Variants in JARID2 observed in about 807,000 individuals in gnomAD.
The protein encoded by JARID2 is jumonji and AT-rich interaction domain containing 2.
Under a neutral mutation model 125.6 loss-of-function variants are expected in JARID2, and 21 were observed. That is an observed-to-expected ratio of 0.17 (90% confidence interval 0.12 to 0.24). JARID2 has a LOEUF of 0.24. JARID2 is among the 10% of genes least tolerant of loss of function. The pLI is 1.00. For missense variants in JARID2, 1,303 were observed against 1,639.6 expected (o/e 0.79, Z 3.55); for synonymous variants, 736 against 661.6 (o/e 1.11, Z -1.73).
chr6:15,329,475 A>C (rs932648070), intron 1 of JARID2, among the ~76,000 whole-genome samples: 1 of 152,204 alleles, frequency 6.6e-6, no homozygotes, highest in African/African-American at 2.4e-5. Context: ...GACTCAGGGC[A>C]AGCTCACTGT....
At chr6:15,392,039 G>GGTGTGTGTGTGTGTGTGTGT (rs55811028) in intron 2 of JARID2, among the ~76,000 whole-genome samples, 51 of 122,808 alleles carry the variant, frequency 4.2e-4, no homozygotes, top group African/African-American at 1.6e-3. Context: ...ATCCCAGAGT[G>GGTGTGTGTGTGTGTGTGTGT]GTGTGTGTGT....
chr6:15,356,978 C>T (rs1763623540), intron 1 of JARID2, among the ~76,000 whole-genome samples: 1 of 152,016 alleles, frequency 6.6e-6, no homozygotes, highest in Admixed American at 6.6e-5. Flanking sequence ...TGCACCACTG[C>T]ACTCCAGCCT....
intron 6 of JARID2, among the ~76,000 whole-genome samples, chr6:15,495,748 A>T (rs1770383040): frequency 6.6e-6 from 1 of 152,176 alleles, no homozygotes; most frequent in African/African-American, 2.4e-5. Flanking sequence ...TCTTGCTGTC[A>T]TCAACTCTGA....
chr6:15,486,806 CTT>C (rs56268949), intron 5 of JARID2, among the ~76,000 whole-genome samples: 36 of 100,510 alleles, frequency 3.6e-4, no homozygotes, highest in South Asian at 6.2e-4. Context: ...TGAGAATAGA[CTT>C]TTTTTTTTTT....
intron 3 of JARID2, among the ~76,000 whole-genome samples, chr6:15,415,482 C>T (rs999972049): frequency 1.6e-4 from 24 of 147,196 alleles, no homozygotes; most frequent in African/African-American, 4.2e-4. Context: ...GGCGGCTGGC[C>T]GGGCAGAGGG....
chr6:15,335,569 C>T (rs1023915473), intron 1 of JARID2, among the ~76,000 whole-genome samples: 1 of 152,162 alleles, frequency 6.6e-6, no homozygotes, highest in Non-Finnish European at 1.5e-5. Flanking sequence ...ATTCTTTGTT[C>T]TCTTCTGTGT....
chr6:15,321,202 A>G (rs961256725), intron 1 of JARID2, among the ~76,000 whole-genome samples: 5 of 152,168 alleles, frequency 3.3e-5, no homozygotes, highest in Admixed American at 6.5e-5. Flanking sequence ...TATATATACT[A>G]TATATCAGTA....
chr6:15,330,039 T>C (rs188234259), intron 1 of JARID2, among the ~76,000 whole-genome samples: 2 of 152,378 alleles, frequency 1.3e-5, no homozygotes, highest in East Asian at 3.8e-4. Flanking sequence ...TGAGTTGTGA[T>C]GTTCTCTGGT....
At chr6:15,254,967 G>T (rs1359533983) in intron 1 of JARID2, among the ~76,000 whole-genome samples, 6 of 151,158 alleles carry the variant, frequency 4.0e-5, no homozygotes, top group African/African-American at 1.5e-4. Flanking sequence ...ACTTGAGGAG[G>T]ATGGAGGTTG....
At chr6:15,317,232 A>G (rs181959947) in intron 1 of JARID2, among the ~76,000 whole-genome samples, 33 of 152,276 alleles carry the variant, frequency 2.2e-4, no homozygotes, top group South Asian at 2.1e-4. Context: ...AGCTCTGAGG[A>G]CCAGTTGAAA....
chr6:15,259,577 G>A (rs1334847437), intron 1 of JARID2, among the ~76,000 whole-genome samples: 1 of 152,154 alleles, frequency 6.6e-6, no homozygotes, highest in African/African-American at 2.4e-5. Context: ...CCAAAAGAAT[G>A]GTGGACTTGG....
At chr6:15,408,745 TTCAGGTGA>T (rs1765753060) in intron 2 of JARID2, among the ~76,000 whole-genome samples, 1 of 152,206 alleles carries the variant, frequency 6.6e-6, no homozygotes, top group Non-Finnish European at 1.5e-5. Flanking sequence ...CTGGGCATAT[TTCAGGTGA>T]TCAGTAGCTG....
At chr6:15,473,167 T>C (rs2127687715) in intron 5 of JARID2, among the ~76,000 whole-genome samples, 1 of 152,378 alleles carries the variant, frequency 6.6e-6, no homozygotes, top group African/African-American at 2.4e-5. Context: ...ATAGAATCTT[T>C]GCCATGTTAA....
chr6:15,504,857 G>A (rs569196965), intron 9 of JARID2, among the ~76,000 whole-genome samples: 6 of 152,292 alleles, frequency 3.9e-5, no homozygotes, highest in African/African-American at 1.2e-4. Context: ...CACGTCCCCT[G>A]CTCCCCGTCA....
At chr6:15,363,395 T>C (rs1763867172) in intron 1 of JARID2, among the ~76,000 whole-genome samples, 1 of 152,236 alleles carries the variant, frequency 6.6e-6, no homozygotes, top group African/African-American at 2.4e-5. Flanking sequence ...TGCTCAAGTT[T>C]GCCACCATTG....
chr6:15,450,174 C>T (rs763210143), intron 3 of JARID2, among the ~76,000 whole-genome samples: 4 of 151,658 alleles, frequency 2.6e-5, no homozygotes, highest in Admixed American at 6.6e-5. Flanking sequence ...TTTTTTTATT[C>T]GTTATTATTT....
chr6:15,281,924 CTGTGTGTGTGTGTGTGTGTG>C (rs3138771), intron 1 of JARID2, among the ~76,000 whole-genome samples: 3 of 146,162 alleles, frequency 2.1e-5, no homozygotes, highest in Non-Finnish European at 4.5e-5. Flanking sequence ...GGTATGTGCT[CTGTGTGTGTGTGTGTGTGTG>C]TGTGTGTGTG....
At chr6:15,472,859 A>G (rs954637646) in intron 5 of JARID2, among the ~76,000 whole-genome samples, 4 of 152,232 alleles carry the variant, frequency 2.6e-5, no homozygotes, top group Non-Finnish European at 5.9e-5. Flanking sequence ...GCTCTTCAGC[A>G]GCGTCATAGG....
intron 1 of JARID2, among the ~76,000 whole-genome samples, chr6:15,286,786 C>T (rs547520542): frequency 5.7e-4 from 79 of 139,528 alleles, no homozygotes; most frequent in African/African-American, 1.7e-3. Flanking sequence ...GGCGTGAACC[C>T]GGGAGGCAGA....
Sources: gnomAD v4.1 joint callset for allele counts (sites outside exome capture counted in the v4.1 genomes callset) on GRCh38, gnomAD v4.1.1 for gene constraint, MANE v1.5 for transcripts, NCBI Gene and HGNC (gene_info 2026-07-23, HGNC 2026-07-21) for gene names.